TIAM2: variants seen among roughly 807,000 people sequenced by gnomAD.
TIAM2 encodes TIAM Rac1 associated GEF 2, also known as rho guanine nucleotide exchange factor TIAM2.
Under a neutral mutation model 152.9 loss-of-function variants are expected in TIAM2, and 80 were observed. The ratio of observed to expected loss-of-function variants is 0.52; its 90% CI spans 0.44 to 0.63. The LOEUF is 0.63. Among genes scored for constraint, TIAM2 ranks in the 30% least tolerant of loss-of-function variants. TIAM2 has a pLI of 0.00. For missense variants in TIAM2, 1,965 were observed against 2,120.1 expected (o/e 0.93, Z 1.44); for synonymous variants, 804 against 838.0 (o/e 0.96, Z 0.70).
At chr6:155,176,509 C>T (rs1780761426) in intron 9 of TIAM2, among the ~76,000 whole-genome samples, 1 of 152,260 alleles carries the variant, frequency 6.6e-6, no homozygotes, top group Non-Finnish European at 1.5e-5. Context: ...GCTGGGATTA[C>T]AGGCGTGAGC....
At chr6:155,148,427 C>A in intron 7 of TIAM2, 93 bp downstream of exon 7, 1 of 1,277,780 alleles carries the variant, frequency 7.8e-7, no homozygotes, top group Non-Finnish European at 1.1e-6. Flanking sequence ...TATTTCTTGG[C>A]TCACATCTTG....
intron 2 of TIAM2, among the ~76,000 whole-genome samples, chr6:155,109,788 A>G (rs1778792138): frequency 6.6e-6 from 1 of 152,186 alleles, no homozygotes; most frequent in Non-Finnish European, 1.5e-5. Context: ...TTAGTTACCC[A>G]GCTGGAAGGA....
At chr6:155,070,079 G>GT (rs1239899515) in intron 1 of TIAM2, among the ~76,000 whole-genome samples, 1 of 151,020 alleles carries the variant, frequency 6.6e-6, no homozygotes, top group East Asian at 1.9e-4. Context: ...GCTAATTTTT[G>GT]TATTTTTAGT....
chr6:155,008,790 T>G (rs1402038972), intron 1 of TIAM2, among the ~76,000 whole-genome samples: 1 of 152,156 alleles, frequency 6.6e-6, no homozygotes, highest in African/African-American at 2.4e-5. Context: ...TGTGGATGTT[T>G]GTATTGTGAG....
chr6:155,036,585 T>A (rs1311389812), intron 1 of TIAM2, among the ~76,000 whole-genome samples: 8 of 9,802 alleles, frequency 8.2e-4, no homozygotes, highest in African/African-American at 3.2e-3. Context: ...GGAGAAATTA[T>A]TTATTTATTT....
rs116442219 is a variant in TIAM2, at chr6:155,096,955, C to T, written c.-118+6576C>T. 1.0e-2 allele frequency among the ~76,000 whole-genome samples: 1,518 copies of T among 152,276 alleles called. 33 individuals are homozygous for T. The highest frequency in any genetic ancestry group is 0.034 in the African/African-American group (1,429 of 41,552). ...GTTCTCCATAGTGATTGTACTAATT[C>T]GCATTCCTTCAAAGAGTGTACAAGG... is the stretch of plus-strand genomic sequence containing the variant. On this transcript the variant is annotated intron_variant, in intron 2 of 26. Coordinates refer to ENST00000682666, the MANE Select transcript of TIAM2 (RefSeq NM_012454.4).
chr6:155,009,071 C>T (rs2114845582), intron 1 of TIAM2, among the ~76,000 whole-genome samples: 1 of 146,358 alleles, frequency 6.8e-6, no homozygotes, highest in East Asian at 2.0e-4. Context: ...GTCCTGTCCT[C>T]TGTTTCTGAC....
At chr6:155,044,170 T>C (rs910818166) in intron 1 of TIAM2, among the ~76,000 whole-genome samples, 1 of 152,208 alleles carries the variant, frequency 6.6e-6, no homozygotes, top group African/African-American at 2.4e-5. Context: ...ACATAGCCAG[T>C]GAAAGTTTCA....
intron 1 of TIAM2, among the ~76,000 whole-genome samples, chr6:155,062,185 T>C (rs1777597652): frequency 6.6e-6 from 1 of 151,768 alleles, no homozygotes; most frequent in Non-Finnish European, 1.5e-5. Flanking sequence ...TTTTCATTGC[T>C]GAATAGTATT....
chr6:155,107,862 G>C (rs1405522056), intron 2 of TIAM2, among the ~76,000 whole-genome samples: 1 of 152,216 alleles, frequency 6.6e-6, no homozygotes, highest in Non-Finnish European at 1.5e-5. Context: ...CTGAACGTCT[G>C]GTGTGTGCTC....
chr6:155,179,495 T>TTCA (rs1469329917), intron 12 of TIAM2, 39 bp downstream of exon 12: 1 of 1,550,694 alleles, frequency 6.4e-7, no homozygotes, highest in Non-Finnish European at 8.7e-7. Flanking sequence ...AATTGTGTTG[T>TTCA]TCATCTTTGC....
At chr6:155,002,705 G>A (rs191737188) in intron 1 of TIAM2, among the ~76,000 whole-genome samples, 16 of 99,884 alleles carry the variant, frequency 1.6e-4, no homozygotes, top group Non-Finnish European at 3.0e-4. Flanking sequence ...TTTTGACACG[G>A]AGTTTCGTTC....
intron 15 of TIAM2, among the ~76,000 whole-genome samples, chr6:155,238,528 G>T (rs1782882138): frequency 6.6e-6 from 1 of 152,216 alleles, no homozygotes; most frequent in Non-Finnish European, 1.5e-5. Context: ...GCAGACATCT[G>T]TTAGGGTCTC....
Position 155,257,147 on chromosome 6 carries a change from A to C in TIAM2, c.*26A>C, listed in dbSNP as rs1784106321. On this transcript the variant is annotated 3_prime_UTR_variant, in exon 27 of 27. Coordinates refer to ENST00000682666, the MANE Select transcript of TIAM2 (RefSeq NM_012454.4). ...TATGATTCAATCCAGATATGGGTTA[A>C]ATTCCTCATTTTACTTTTAAACTGG... 1.2e-6 allele frequency: 2 copies of C among 1,603,098 alleles called. No homozygotes were observed. The highest frequency in any genetic ancestry group is 2.2e-5 in the East Asian group (1 of 44,696).
At chr6:155,138,625 C>T (rs1470365532) in intron 5 of TIAM2, among the ~76,000 whole-genome samples, 2 of 152,126 alleles carry the variant, frequency 1.3e-5, no homozygotes, top group Non-Finnish European at 2.9e-5. Flanking sequence ...GTGATGTTCC[C>T]TGCCCTGTGT....
At chr6:155,020,002 G>C (rs770752718) in intron 1 of TIAM2, among the ~76,000 whole-genome samples, 2 of 152,136 alleles carry the variant, frequency 1.3e-5, no homozygotes, top group Middle Eastern at 3.4e-3. Context: ...GCAGTGAGCC[G>C]AGATTGCGCC....
At position 155,251,015 on chromosome 6, in the gene TIAM2, G is replaced by A; in HGVS notation, c.4054G>A (p.Val1352Ile). ...AGCTAGAAAGGACCTTGAGCTCACA[G>A]TATTTGGTTAGTATTCCATTCAGAA... The part of the protein sequence containing the change: ...GKARKDLELT[V>I]FVFKRAVILV... The change falls in exon 22 of 27, where the codon GTA (valine) becomes ATA (isoleucine). Residue 1352 changes from valine (V) to isoleucine (I), a missense_variant. Val to Ile is a conservative substitution (Grantham distance 29). Around this residue, in one of 3 missense-constraint regions of TIAM2, gnomAD observed 935 missense variants for 980.0 expected, o/e 0.95. Coordinates refer to ENST00000682666, the MANE Select transcript of TIAM2 (RefSeq NM_012454.4). The A allele has an allele frequency of 6.2e-7, 1 of 1,613,948 alleles. No individual in the cohort carries two copies. The highest frequency in any genetic ancestry group is 8.5e-7 in the Non-Finnish European group (1 of 1,179,836).
At position 155,251,036 on chromosome 6, in the gene TIAM2, CAGA is replaced by C. The variant is rs772380376; in HGVS notation, c.4060+20_4060+22del. The C allele has an allele frequency of 1.9e-6, 3 of 1,603,234 alleles. No homozygotes were observed. Among genetic ancestry groups the C allele is most frequent in the Non-Finnish European group, 1.7e-6 (2 of 1,170,382 alleles). On this transcript the variant is annotated intron_variant, in intron 22 of 26. Coordinates refer to ENST00000682666, the MANE Select transcript of TIAM2 (RefSeq NM_012454.4). ...CACAGTATTTGGTTAGTATTCCATT[CAGA>C]AGAATGCAGACTGAACAGAGGCTGG...
intron 1 of TIAM2, among the ~76,000 whole-genome samples, chr6:155,057,131 C>G (rs1253598173): frequency 6.9e-6 from 1 of 145,106 alleles, no homozygotes; most frequent in African/African-American, 2.5e-5. Context: ...CAGGTTCAAG[C>G]GACCCTCTTA....
Sources: allele counts gnomAD v4.1 joint callset (sites outside exome capture counted in the v4.1 genomes callset), GRCh38; gene constraint gnomAD v4.1.1; regional missense constraint gnomAD v4.1.1; transcripts MANE v1.5; gene names NCBI Gene and HGNC (gene_info 2026-07-23, HGNC 2026-07-21).